The following VAV3 variants were observed in gnomAD, a reference collection of about 807,000 sequenced individuals.
VAV3 encodes guanine nucleotide exchange factor VAV3.
Under a neutral mutation model 131.2 loss-of-function variants are expected in VAV3, and 94 were observed. The observed-to-expected ratio is 0.72, with a 90% CI of 0.61 to 0.85. The LOEUF (loss-of-function observed/expected upper bound fraction) is 0.85, where lower values mean the gene tolerates loss of function less well. VAV3 is among the 40% of genes least tolerant of loss of function. The probability of loss-of-function intolerance (pLI) is 0.00; values close to 1 mark genes in which losing one functional copy is unlikely to be tolerated. For synonymous variants in VAV3, 349 were observed against 342.0 expected (o/e 1.02, Z -0.22); for missense variants, 939 against 1,002.7 (o/e 0.94, Z 0.86).
chr1:107,653,794 T>C (rs1226434850), intron 19 of VAV3, among the ~76,000 whole-genome samples: 1 of 152,130 alleles, frequency 6.6e-6, no homozygotes, highest in African/African-American at 2.4e-5. Flanking sequence ...TTCCTTTAAA[T>C]TCCCTTTCCC....
At chr1:107,843,821 GTACCCCTA>G (rs1173336573) in intron 2 of VAV3, among the ~76,000 whole-genome samples, 4 of 151,892 alleles carry the variant, frequency 2.6e-5, no homozygotes, top group Non-Finnish European at 5.9e-5. Flanking sequence ...AGGATAAAAC[GTACCCCTA>G]CAGAGCGGGG....
chr1:107,840,765 AT>A (rs1383468396), intron 2 of VAV3, among the ~76,000 whole-genome samples: 2 of 152,220 alleles, frequency 1.3e-5, no homozygotes, highest in African/African-American at 4.8e-5. Flanking sequence ...CACTGAAAGC[AT>A]TTTAAAAATA....
intron 25 of VAV3, among the ~76,000 whole-genome samples, chr1:107,574,996 TGCGTGCGCGCGCGCGCGCGCAC>T (rs770939416): frequency 4.1e-3 from 199 of 49,124 alleles, no homozygotes; most frequent in African/African-American, 6.7e-3. Context: ...TGTGTGTGCG[TGCGTGCGCGCGCGCGCGCGCAC>T]ACGCGCGCGT....
intron 1 of VAV3, among the ~76,000 whole-genome samples, chr1:107,896,768 T>C (rs553388742): frequency 3.3e-5 from 5 of 152,324 alleles, no homozygotes; most frequent in African/African-American, 1.2e-4. Context: ...GAATGTCATG[T>C]TCCGTTCCAT....
intron 1 of VAV3, among the ~76,000 whole-genome samples, chr1:107,950,214 T>C (rs1483312576): frequency 6.6e-6 from 1 of 152,204 alleles, no homozygotes; most frequent in Non-Finnish European, 1.5e-5. Flanking sequence ...GAGATTCTAA[T>C]TTTATAAACA....
intron 2 of VAV3, among the ~76,000 whole-genome samples, chr1:107,855,646 C>T (rs1669435202): frequency 6.6e-6 from 1 of 152,004 alleles, no homozygotes; most frequent in Non-Finnish European, 1.5e-5. Flanking sequence ...CTGGAGCTTA[C>T]CCCAAATCTA....
chr1:107,835,878 C>T (rs186135022), intron 2 of VAV3, among the ~76,000 whole-genome samples: 7 of 152,288 alleles, frequency 4.6e-5, no homozygotes, highest in East Asian at 1.9e-4. Context: ...AGCAGACCTC[C>T]GGAATTCTGC....
chr1:107,701,213 A>G (rs766012961), intron 17 of VAV3, among the ~76,000 whole-genome samples: 15 of 152,314 alleles, frequency 9.8e-5, no homozygotes, highest in Non-Finnish European at 1.9e-4. Context: ...GATCTTTGTT[A>G]GACGGATACC....
chr1:107,745,261 T>A (rs1663268279), intron 15 of VAV3, among the ~76,000 whole-genome samples: 1 of 152,146 alleles, frequency 6.6e-6, no homozygotes, highest in Non-Finnish European at 1.5e-5. Context: ...CTCTTAAAGA[T>A]TTAAATACAT....
At chr1:107,790,125 C>T (rs939891832) in intron 2 of VAV3, among the ~76,000 whole-genome samples, 4 of 152,208 alleles carry the variant, frequency 2.6e-5, no homozygotes, top group Admixed American at 2.0e-4. Flanking sequence ...AAAGCCTACA[C>T]TTCTAGAAGC....
intron 2 of VAV3, among the ~76,000 whole-genome samples, chr1:107,827,256 A>T (rs1668056909): frequency 6.6e-6 from 1 of 152,154 alleles, no homozygotes; most frequent in African/African-American, 2.4e-5. Flanking sequence ...AAAGGACAGC[A>T]CTATTTGACA....
At chr1:107,814,010 GTGTGTA>G (rs767735635) in intron 2 of VAV3, among the ~76,000 whole-genome samples, 4 of 141,484 alleles carry the variant, frequency 2.8e-5, no homozygotes, top group Non-Finnish European at 3.1e-5. Flanking sequence ...GTGTGTGTGT[GTGTGTA>G]TACACACCAT....
chr1:107,847,339 A>ATTT (rs1669015918), intron 2 of VAV3, among the ~76,000 whole-genome samples: 2 of 152,202 alleles, frequency 1.3e-5, no homozygotes, highest in South Asian at 4.1e-4. Flanking sequence ...TAAAATCGCC[A>ATTT]CCCTAATATC....
chr1:107,955,702 CAG>C (rs1037292509), intron 1 of VAV3, among the ~76,000 whole-genome samples: 4 of 149,984 alleles, frequency 2.7e-5, no homozygotes, highest in Admixed American at 1.3e-4. Context: ...TGCAACAGCA[CAG>C]AGACATTTAA....
intron 2 of VAV3, among the ~76,000 whole-genome samples, chr1:107,850,866 A>G (rs1669186193): frequency 6.6e-6 from 1 of 152,080 alleles, no homozygotes; most frequent in Admixed American, 6.6e-5. Flanking sequence ...CCACACATAT[A>G]TATATATATT....
chr1:107,667,414 T>C (rs1010683931), intron 19 of VAV3, among the ~76,000 whole-genome samples: 8 of 152,294 alleles, frequency 5.3e-5, no homozygotes, highest in African/African-American at 9.6e-5. Flanking sequence ...CACCCACACA[T>C]GCATGTAAGA....
intron 15 of VAV3, among the ~76,000 whole-genome samples, chr1:107,744,652 C>T (rs750566252): frequency 1.3e-5 from 2 of 152,096 alleles, no homozygotes; most frequent in Non-Finnish European, 2.9e-5. Flanking sequence ...TATTTTTGCA[C>T]CAACTTAAAT....
chr1:107,828,223 A>C (rs1484093383), intron 2 of VAV3, among the ~76,000 whole-genome samples: 1 of 152,142 alleles, frequency 6.6e-6, no homozygotes, highest in Non-Finnish European at 1.5e-5. Context: ...TCTTGCGTTA[A>C]ATATCGAGGA....
Position 107,596,224 on chromosome 1 carries a change from C to G in VAV3, c.2338G>C (p.Ala780Pro). The G allele has an allele frequency of 6.2e-7, 1 of 1,612,792 alleles. No homozygotes were observed. The highest frequency in any genetic ancestry group is 8.5e-7 in the Non-Finnish European group (1 of 1,179,262). Residue 780 changes from alanine (A) to proline (P), a missense_variant, in exon 25 of 27, where the codon GCA becomes CCA. Transcript: ENST00000370056. ...EHSAGQRGNRAGNSLLSPKVL... is the reference protein window; with the variant it reads ...EHSAGQRGNRPGNSLLSPKVL... ...TTACAATACTTACAGCTGTTGCCTG[C>G]TCTATTACCCCTCTGTCCAGCTGAA...
Sources: allele counts gnomAD v4.1 joint callset (sites outside exome capture counted in the v4.1 genomes callset), GRCh38; gene constraint gnomAD v4.1.1; transcripts MANE v1.5; gene names NCBI Gene and HGNC (gene_info 2026-07-23, HGNC 2026-07-21).